The following MYOF variants were observed in gnomAD, a reference collection of about 807,000 sequenced individuals.
MYOF encodes the protein myoferlin, also known as fer-1-like 3, myoferlin.
A neutral mutation model predicts 284.2 loss-of-function variants in MYOF; 244 were observed. That is an observed-to-expected ratio of 0.86 (90% CI 0.77 to 0.95). The LOEUF is 0.95. Among genes scored for constraint, MYOF ranks in the 40% least tolerant of loss-of-function variants. The probability of loss-of-function intolerance (pLI) is 0.00; values close to 1 mark genes in which losing one functional copy is unlikely to be tolerated. For synonymous variants in MYOF, 904 were observed against 919.7 expected, an observed-to-expected ratio of 0.98 and a Z score of 0.31; for missense variants, 2,496 against 2,560.6, an observed-to-expected ratio of 0.97 and a Z score of 0.54.
chr10:93,346,038 A>AT (rs1844170528), intron 37 of MYOF, among the ~76,000 whole-genome samples: 1 of 152,240 alleles, frequency 6.6e-6, no homozygotes. Context: ...AGAAAAAAAA[A>AT]GCCAGGAAAG....
intron 2 of MYOF, among the ~76,000 whole-genome samples, chr10:93,454,277 C>G (rs573333592): frequency 9.2e-5 from 14 of 151,986 alleles, no homozygotes; most frequent in African/African-American, 3.4e-4. Context: ...AATTATAAAA[C>G]AGTTTACTTG....
intron 50 of MYOF, among the ~76,000 whole-genome samples, chr10:93,315,150 T>TA (rs1359600079): frequency 6.6e-6 from 1 of 152,230 alleles, no homozygotes; most frequent in Non-Finnish European, 1.5e-5. Flanking sequence ...GCTGACCTCT[T>TA]AACTAAGCAC....
intron 19 of MYOF, among the ~76,000 whole-genome samples, chr10:93,386,406 T>G (rs1486813995): frequency 6.6e-6 from 1 of 152,234 alleles, no homozygotes; most frequent in Non-Finnish European, 1.5e-5. Context: ...GCTCCGTGTC[T>G]CTTTAGTAAA....
intron 17 of MYOF, among the ~76,000 whole-genome samples, chr10:93,392,570 A>G (rs1846750775): frequency 6.6e-6 from 1 of 152,200 alleles, no homozygotes; most frequent in African/African-American, 2.4e-5. Context: ...AAGTTACTTG[A>G]TACATTTCAG....
intron 12 of MYOF, among the ~76,000 whole-genome samples, chr10:93,401,119 T>G (rs1589508594): frequency 6.6e-6 from 1 of 152,164 alleles, no homozygotes; most frequent in East Asian, 1.9e-4. Flanking sequence ...AAGTGCTGAC[T>G]GCTCATATCT....
chr10:93,454,794 A>G (rs917257432), intron 2 of MYOF, among the ~76,000 whole-genome samples: 1 of 152,124 alleles, frequency 6.6e-6, no homozygotes, highest in Non-Finnish European at 1.5e-5. Context: ...CCTGGGCAAC[A>G]TAGCAGGATG....
chr10:93,361,122 G>A (rs1845050319), intron 28 of MYOF, among the ~76,000 whole-genome samples: 2 of 152,180 alleles, frequency 1.3e-5, no homozygotes, highest in Admixed American at 1.3e-4. Context: ...GGTAGAGGGA[G>A]GATGGCTAGA....
At chr10:93,448,212 A>AC (rs2056490057) in intron 3 of MYOF, among the ~76,000 whole-genome samples, 3 of 142,758 alleles carry the variant, frequency 2.1e-5, no homozygotes, top group African/African-American at 7.8e-5. Flanking sequence ...CTACTCCCTA[A>AC]CCCCCCAATG....
intron 2 of MYOF, among the ~76,000 whole-genome samples, chr10:93,453,223 TG>T (rs1237253702): frequency 1.1e-4 from 16 of 152,194 alleles, no homozygotes; most frequent in Admixed American, 9.8e-4. Flanking sequence ...TAGAGTGCAG[TG>T]GCACAATTTC....
chr10:93,432,857 A>C (rs1848935074), intron 3 of MYOF, among the ~76,000 whole-genome samples: 1 of 152,240 alleles, frequency 6.6e-6, no homozygotes, highest in Non-Finnish European at 1.5e-5. Flanking sequence ...ACTTAACAGC[A>C]GGTTCCTGAA....
chr10:93,473,955 G>C (rs922485382), intron 1 of MYOF, among the ~76,000 whole-genome samples: 1 of 152,084 alleles, frequency 6.6e-6, no homozygotes, highest in African/African-American at 2.4e-5. Flanking sequence ...TACTGCCCTC[G>C]TGCTGGCCTC....
At position 93,323,131 on chromosome 10, in the gene MYOF, G is replaced by A; in HGVS notation, c.5403C>T (p.Ile1801=). The A allele has an allele frequency of 6.2e-7, 1 of 1,614,098 alleles. No homozygotes were observed. Among genetic ancestry groups the A allele is most frequent in the Admixed American group, 1.7e-5 (1 of 60,018 alleles). ...RVIIWNTKDV[I]LDEKSITGEE... The stretch of plus-strand genomic sequence containing the variant: ...CTCCTGTGATGCTTTTCTCGTCCAA[G>A]ATAACGTCCTTGGTGTTCCAGATGA... Residue 1801 remains isoleucine, a synonymous_variant, in exon 48 of 54, where the codon ATC becomes ATT. Transcript: ENST00000359263.
chr10:93,340,051 G>A, intron 39 of MYOF, 102 bp downstream of exon 39: 1 of 1,315,852 alleles, frequency 7.6e-7, no homozygotes, highest in South Asian at 1.3e-5. Flanking sequence ...CTGCACTCCA[G>A]CCTGGGTGAA....
At chr10:93,437,068 C>T (rs1278386240) in intron 3 of MYOF, among the ~76,000 whole-genome samples, 1 of 152,132 alleles carries the variant, frequency 6.6e-6, no homozygotes, top group Non-Finnish European at 1.5e-5. Flanking sequence ...GAAGAAAAAG[C>T]CAGTCATGCT....
chr10:93,318,570 C>A (rs1051857983), intron 49 of MYOF, among the ~76,000 whole-genome samples: 1 of 152,058 alleles, frequency 6.6e-6, no homozygotes, highest in Admixed American at 6.5e-5. Context: ...ACCAGCCTGA[C>A]CAACACGGAG....
chr10:93,404,268 T>C, intron 7 of MYOF, 49 bp from the exon 8 acceptor site: 1 of 1,592,106 alleles, frequency 6.3e-7, no homozygotes, highest in Non-Finnish European at 8.6e-7. Context: ...GGGATTCGGG[T>C]TAGGGGAATC....
intron 38 of MYOF, 97 bp downstream of exon 38, chr10:93,343,758 TG>T (rs1844039693): frequency 2.9e-5 from 36 of 1,254,408 alleles, no homozygotes; most frequent in Non-Finnish European, 4.0e-5. Flanking sequence ...TGATTATAAT[TG>T]CAACAAACTG....
At chr10:93,395,183 G>A (rs1368139128) in intron 16 of MYOF, among the ~76,000 whole-genome samples, 6 of 152,190 alleles carry the variant, frequency 3.9e-5, no homozygotes, top group Admixed American at 3.9e-4. Flanking sequence ...GGTGGCTCAC[G>A]CCTGTAATCC....
intron 1 of MYOF, among the ~76,000 whole-genome samples, chr10:93,480,939 T>C (rs1381738189): frequency 6.6e-6 from 1 of 152,042 alleles, no homozygotes; most frequent in Admixed American, 6.6e-5. Flanking sequence ...AAACGAGAAA[T>C]GTAGCAAGGC....
Sources: allele counts gnomAD v4.1 joint callset (sites outside exome capture counted in the v4.1 genomes callset), GRCh38; gene constraint gnomAD v4.1.1; transcripts MANE v1.5; gene names NCBI Gene and HGNC (gene_info 2026-07-23, HGNC 2026-07-21).